BEND7: variants seen among roughly 807,000 people sequenced by gnomAD.
BEND7 encodes BEN domain containing 7, also known as BEN domain-containing protein 7.
In BEND7, 28 loss-of-function variants were observed where a neutral mutation model predicts 50.9. That is an observed-to-expected ratio of 0.55 (90% CI 0.41 to 0.75). The LOEUF (loss-of-function observed/expected upper bound fraction) is 0.75. Among genes scored for constraint, BEND7 ranks in the 30% least tolerant of loss-of-function variants. BEND7 has a pLI of 0.00. For missense variants in BEND7, 477 were observed against 491.3 expected, an observed-to-expected ratio of 0.97 and a Z score of 0.28; for synonymous variants, 170 against 183.9, an observed-to-expected ratio of 0.92 and a Z score of 0.61.
intron 4 of BEND7, among the ~76,000 whole-genome samples, chr10:13,494,218 A>G (rs2076872816): frequency 1.3e-5 from 2 of 152,162 alleles, no homozygotes; most frequent in Non-Finnish European, 1.5e-5. Context: ...AGAGATCGAG[A>G]CCATCCTGGC....
At chr10:13,471,421 G>GT (rs1413204380) in intron 6 of BEND7, among the ~76,000 whole-genome samples, 1 of 152,200 alleles carries the variant, frequency 6.6e-6, no homozygotes, top group Non-Finnish European at 1.5e-5. Context: ...AACTGAACAA[G>GT]TGTTTCAAAT....
intron 5 of BEND7, among the ~76,000 whole-genome samples, chr10:13,484,967 C>T (rs1191475755): frequency 6.6e-6 from 1 of 152,200 alleles, no homozygotes; most frequent in Non-Finnish European, 1.5e-5. Flanking sequence ...GGATCCAGGC[C>T]TGTGGACTTT....
chr10:13,442,214 A>AT (rs1463136437), intron 8 of BEND7: 1 of 156,676 alleles, frequency 6.4e-6, no homozygotes, highest in African/African-American at 2.4e-5. Flanking sequence ...AGCCTCTACA[A>AT]TAACTTTTAG....
chr10:13,445,733 C>T (rs1481786567), intron 8 of BEND7: 1 of 152,192 alleles, frequency 6.6e-6, no homozygotes, highest in Non-Finnish European at 1.5e-5. Context: ...TAGGAAAATA[C>T]AAAGGCATTC....
chr10:13,523,023 G>T (rs1449036323), intron 2 of BEND7, among the ~76,000 whole-genome samples: 1 of 152,174 alleles, frequency 6.6e-6, no homozygotes, highest in Non-Finnish European at 1.5e-5. Flanking sequence ...TCCGTTTCCT[G>T]AATTTGTCCT....
At chr10:13,524,992 G>T (rs1435507041) in intron 2 of BEND7, among the ~76,000 whole-genome samples, 1 of 152,144 alleles carries the variant, frequency 6.6e-6, no homozygotes, top group African/African-American at 2.4e-5. Context: ...AGATCCTGGC[G>T]AGAGCTTCGT....
chr10:13,501,675 C>T (rs934789181), intron 2 of BEND7, among the ~76,000 whole-genome samples: 3 of 151,988 alleles, frequency 2.0e-5, no homozygotes, highest in East Asian at 1.9e-4. Flanking sequence ...GGAGAAACCC[C>T]GTCTCTACAA....
At chr10:13,509,030 G>A (rs1268679352) in intron 2 of BEND7, among the ~76,000 whole-genome samples, 1 of 152,198 alleles carries the variant, frequency 6.6e-6, no homozygotes, top group Non-Finnish European at 1.5e-5. Context: ...GGCACAAAGG[G>A]CTTGAGATGG....
intron 6 of BEND7, among the ~76,000 whole-genome samples, chr10:13,480,328 A>C (rs2075767692): frequency 2.0e-5 from 3 of 152,168 alleles, no homozygotes; most frequent in Admixed American, 1.3e-4. Flanking sequence ...GGAGAGACCC[A>C]CGGTGGTCTC....
Position 13,480,845 on chromosome 10 carries a change from G to T in BEND7, c.1063+54C>A, listed in dbSNP as rs2075805256. 2.5e-6 allele frequency: 4 copies of T among 1,606,928 alleles called. No individual in the cohort carries two copies. In the African/African-American group the frequency reaches 5.4e-5, roughly 22 times the overall value. On this transcript the variant is annotated intron_variant, in intron 6 of 8. Transcript: ENST00000466271. ...CTACAATTTCAGCTGCATCGTTACG[G>T]AATGAAGGGAAAGCTCAACGAAGAA...
chr10:13,490,102 G>C (rs1210782188), intron 5 of BEND7, among the ~76,000 whole-genome samples: 1 of 152,208 alleles, frequency 6.6e-6, no homozygotes, highest in Non-Finnish European at 1.5e-5. Flanking sequence ...GATCTGCCAT[G>C]ATTGACAGCC....
chr10:13,480,670 G>A (rs1221093399), intron 6 of BEND7: 1 of 984,862 alleles, frequency 1.0e-6, no homozygotes, highest in Non-Finnish European at 1.2e-6. Context: ...GGTCAAACTG[G>A]CTCTTAAATT....
rs146215590 is a variant in BEND7, at chr10:13,466,860, C to T, written c.1063+14039G>A. The stretch of plus-strand genomic sequence containing the variant: ...ATTTTCAAAGTCATTCCATGAGGCG[C>T]TGAGTTTACCCCCTCGCCAGGAGGT... On this transcript the variant is annotated intron_variant, in intron 6 of 8. Coordinates refer to ENST00000466271, the MANE Select transcript of BEND7 (RefSeq NM_001369863.1). Among the ~76,000 whole-genome samples, 167 of 152,266 alleles carry T rather than the reference C, an allele frequency of 1.1e-3. 1 individual carries two copies. The Middle Eastern group carries it at 0.02, about 19-fold the overall frequency.
At chr10:13,443,445 C>T (rs4750358) in intron 8 of BEND7, 47,580 of 152,646 alleles carry the variant, frequency 0.31, 8,784 homozygotes, top group East Asian at 0.67. Flanking sequence ...AGCCGCTTCT[C>T]TAAGGAAGAG....
At chr10:13,496,040 T>C (rs1261527836) in intron 4 of BEND7, among the ~76,000 whole-genome samples, 1 of 152,230 alleles carries the variant, frequency 6.6e-6, no homozygotes, top group Non-Finnish European at 1.5e-5. Context: ...CAGACTTCTA[T>C]AGAACGCTTC....
At chr10:13,485,305 T>TC (rs1463488233) in intron 5 of BEND7, among the ~76,000 whole-genome samples, 1 of 152,186 alleles carries the variant, frequency 6.6e-6, no homozygotes, top group Non-Finnish European at 1.5e-5. Flanking sequence ...CTACATGTGG[T>TC]CACTGGTTAA....
downstream of BEND7, chr10:13,438,984 C>G (rs1329726082): frequency 1.7e-6 from 1 of 599,528 alleles, no homozygotes; most frequent in South Asian, 2.1e-5. Context: ...GTCAGAATGA[C>G]TCGGTTGCAT....
chr10:13,448,371 G>GC (rs1836895653), intron 7 of BEND7, among the ~76,000 whole-genome samples: 1 of 152,192 alleles, frequency 6.6e-6, no homozygotes, highest in African/African-American at 2.4e-5. Context: ...CCACAGGCAG[G>GC]CCCCTGCTGA....
intron 2 of BEND7, among the ~76,000 whole-genome samples, chr10:13,515,328 C>G (rs2078587382): frequency 6.6e-6 from 1 of 152,208 alleles, no homozygotes; most frequent in Non-Finnish European, 1.5e-5. Context: ...TGTCTCATCA[C>G]ACATTTGGTT....
Sources: allele counts gnomAD v4.1 joint callset (sites outside exome capture counted in the v4.1 genomes callset), GRCh38; gene constraint gnomAD v4.1.1; transcripts MANE v1.5; gene names NCBI Gene and HGNC (gene_info 2026-07-23, HGNC 2026-07-21).